ADAM28: variants seen among roughly 807,000 people sequenced by gnomAD.
The protein encoded by ADAM28 is disintegrin and metalloproteinase domain-containing protein 28.
Under a neutral mutation model 101.2 loss-of-function variants are expected in ADAM28, and 105 were observed. The ratio of observed to expected loss-of-function variants is 1.04; its 90% CI spans 0.89 to 1.22. The LOEUF (loss-of-function observed/expected upper bound fraction) is 1.22. ADAM28 is among the 50% of genes most tolerant of loss of function. The pLI, the probability that ADAM28 is intolerant of heterozygous loss-of-function variation, is 0.00. For synonymous variants in ADAM28, 322 were observed against 310.6 expected, an observed-to-expected ratio of 1.04 and a Z score of -0.39; for missense variants, 1,028 against 945.4, an observed-to-expected ratio of 1.09 and a Z score of -1.15.
intron 18 of ADAM28, among the ~76,000 whole-genome samples, chr8:24,345,235 C>T (rs1444136487): frequency 6.6e-6 from 1 of 151,844 alleles, no homozygotes; most frequent in Non-Finnish European, 1.5e-5. Context: ...TGAGGATTTG[C>T]TTTTTTCTTC....
chr8:24,297,159 G>GTTT (rs201347512), intron 1 of ADAM28, among the ~76,000 whole-genome samples: 12,036 of 144,538 alleles, frequency 0.083, 677 homozygotes, highest in East Asian at 0.25. Flanking sequence ...AATGTTGTGG[G>GTTT]TTTTTTTTTG....
intron 9 of ADAM28, chr8:24,325,105 G>A (rs921274375): frequency 2.0e-5 from 3 of 152,048 alleles, no homozygotes; most frequent in East Asian, 1.9e-4. Context: ...TTTTAGACTC[G>A]AGAGCCCATT....
intron 10 of ADAM28, among the ~76,000 whole-genome samples, chr8:24,327,077 A>G (rs1209691140): frequency 6.6e-6 from 1 of 152,120 alleles, no homozygotes; most frequent in Non-Finnish European, 1.5e-5. Context: ...AATAAAGCGT[A>G]TTCAAATAGA....
chr8:24,311,272 A>G, intron 4 of ADAM28, 89 bp from the exon 5 acceptor site: 1 of 928,440 alleles, frequency 1.1e-6, no homozygotes, highest in East Asian at 2.5e-5. Flanking sequence ...GAAAGCATTT[A>G]AAATCCTGTT....
chr8:24,358,491 T>G lies in ADAM28; in HGVS notation c.*4087T>G, dbSNP rs1269755975. Reference sequence around the variant, plus strand: ...GGCCAAGCCAAGAGTGGCACAGCTGTGTGGAGATACTGAGCTCCACCTTGT... The same window carrying G: ...GGCCAAGCCAAGAGTGGCACAGCTGGGTGGAGATACTGAGCTCCACCTTGT... On this transcript the variant is annotated 3_prime_UTR_variant, in exon 23 of 23. Transcript: ENST00000265769. The G allele has an allele frequency of 6.6e-6, 1 of 152,208 alleles. No individual in the cohort carries two copies. Among genetic ancestry groups the G allele is most frequent in the African/African-American group, 2.4e-5 (1 of 41,464 alleles). The allele number at this position is 152,208 out of a possible 1,614,324, so 9.4% of individuals were successfully genotyped here.
chr8:24,322,666 G>A (rs144800588), intron 8 of ADAM28: 1 of 152,102 alleles, frequency 6.6e-6, no homozygotes, highest in East Asian at 1.9e-4. Flanking sequence ...TGTCAGGTGA[G>A]TAAAATTAAG....
intron 1 of ADAM28, chr8:24,295,772 G>A (rs750282360): frequency 6.6e-6 from 1 of 152,136 alleles, no homozygotes; most frequent in Non-Finnish European, 1.5e-5. Flanking sequence ...TTAACTTCTA[G>A]CTTCTATTTT....
chr8:24,334,477 T>G (rs1240642163), intron 13 of ADAM28, among the ~76,000 whole-genome samples: 1 of 151,890 alleles, frequency 6.6e-6, no homozygotes, highest in African/African-American at 2.4e-5. Context: ...GGTGGGAAAA[T>G]GGGCTTTCAA....
chr8:24,339,644 A>AT, intron 15 of ADAM28, 76 bp downstream of exon 15: 3 of 1,270,818 alleles, frequency 2.4e-6, no homozygotes, highest in Non-Finnish European at 3.3e-6. Flanking sequence ...ATTCTGATTT[A>AT]TTCCAGTTAA....
In ADAM28 at chr8:24,339,399, AT is replaced by A. The variant is rs751986654; in HGVS notation, c.1568-63del. On this transcript the variant is annotated intron_variant, in intron 14 of 22. Transcript: ENST00000265769. ...CAGCACTGAATCTTTAAAATCTTTT[AT>A]TTTCAAGTATCTCTTGAATCTCAAA... 5.3e-5 allele frequency: 66 copies of A among 1,235,566 alleles called. No homozygotes were observed. The Middle Eastern group carries it at 5.8e-4, about 11-fold the overall frequency. The allele number at this position is 1,235,566 out of a possible 1,614,324, so 76.5% of individuals were successfully genotyped here.
intron 21 of ADAM28, 66 bp from the exon 22 acceptor site, chr8:24,353,704 A>C: frequency 9.6e-7 from 1 of 1,045,808 alleles, no homozygotes; most frequent in Non-Finnish European, 1.5e-6. Flanking sequence ...AAGGAAATAA[A>C]TATAGCTAAG....
intron 1 of ADAM28, 53 bp from the exon 2 acceptor site, chr8:24,299,921 C>G: frequency 1.4e-6 from 2 of 1,419,222 alleles, no homozygotes; most frequent in Non-Finnish European, 9.7e-7. Context: ...CCTTTACTGA[C>G]CAGCCTACTT....
chr8:24,300,041 A>C lies in ADAM28; in HGVS notation c.114A>C (p.Pro38=), dbSNP rs369332654. 2.4e-5 allele frequency: 38 copies of C among 1,613,732 alleles called. No individual in the cohort carries two copies. The highest frequency in any genetic ancestry group is 3.1e-5 in the Non-Finnish European group (37 of 1,180,014). The change falls in exon 2 of 23, where the codon CCA becomes CCC. Residue 38 remains proline (P), a synonymous_variant. Transcript: ENST00000265769. The stretch of plus-strand genomic sequence containing the variant: ...TGGTTTATCCTATAAGACTTCATCC[A>C]CTGCATAAAAGAGAGGCCAAAGAGC... ...YEVVYPIRLH[P]LHKREAKEPE... is the part of the protein sequence containing the mutation.
chr8:24,328,311 G>A (rs1812893690), intron 10 of ADAM28, among the ~76,000 whole-genome samples: 1 of 151,840 alleles, frequency 6.6e-6, no homozygotes, highest in Middle Eastern at 3.2e-3. Flanking sequence ...GGATTCAAGG[G>A]AAGTTATAGT....
In ADAM28 at chr8:24,294,078, G is replaced by A. The variant is rs1445171819; in HGVS notation, c.-72G>A. The A allele has an allele frequency of 1.3e-6, 2 of 1,505,568 alleles. No individual in the cohort carries two copies. Among genetic ancestry groups the A allele is most frequent in the Non-Finnish European group, 1.8e-6 (2 of 1,082,126 alleles). 93.3% of individuals were successfully genotyped at this position (1,505,568 alleles called of 1,614,324 possible). On this transcript the variant is annotated 5_prime_UTR_variant, in exon 1 of 23. Transcript: ENST00000265769. ...AGTTTCATTCTGTCTCACTGGAGAG[G>A]AGGCAGGGACAGACCCAGCAGCACC...
chr8:24,343,241 C>A, intron 17 of ADAM28, 60 bp downstream of exon 17: 1 of 1,562,388 alleles, frequency 6.4e-7, no homozygotes, highest in South Asian at 1.1e-5. Context: ...CTAGGTCAGT[C>A]ATAAGAAAGC....
At chr8:24,352,792 G>C (rs1194514093) in intron 21 of ADAM28, among the ~76,000 whole-genome samples, 4 of 152,084 alleles carry the variant, frequency 2.6e-5, no homozygotes, top group Non-Finnish European at 5.9e-5. Flanking sequence ...AATGATTTAA[G>C]TCTTTTCTTT....
rs779510025 is a variant in ADAM28 at position 24,332,720 on chromosome 8, G to A, written c.1342G>A (p.Ala448Thr). The A allele has an allele frequency of 1.3e-6, 2 of 1,504,632 alleles. No homozygotes were observed. Among genetic ancestry groups the A allele is most frequent in the South Asian group, 1.4e-5 (1 of 69,564 alleles). 93.2% of individuals were successfully genotyped at this position (1,504,632 alleles called of 1,614,324 possible). A position where few individuals can be genotyped will look rare whatever the true frequency, so the allele number is the denominator to read the frequency against. The change falls in exon 13 of 23, where the codon GCA becomes ACA. Residue 448 changes from alanine to threonine, a missense_variant. Coordinates refer to ENST00000265769, the MANE Select transcript of ADAM28 (RefSeq NM_014265.6). ...TAAAATCAAAGCAACTTTTCAATGT[G>A]CATTAGGAGAATGTTGTGAAAAATG... ...TCKIKATFQC[A>T]LGECCEKCQF...
At position 24,332,738 on chromosome 8, in the gene ADAM28, G is replaced by GA; in HGVS notation, c.1365dup (p.Cys456MetfsTer4). ...TCAATGTGCATTAGGAGAATGTTGT[G>GA]AAAAATGCCAAGTAAGATTATTTTA... On this transcript the variant is annotated frameshift_variant, in exon 13 of 23. Transcript: ENST00000265769. LOFTEE classifies it high-confidence loss of function. The GA allele has an allele frequency of 1.4e-6, 2 of 1,454,882 alleles. No individual in the cohort carries two copies. The highest frequency in any genetic ancestry group is 1.8e-6 in the Non-Finnish European group (2 of 1,088,928). The allele number at this position is 1,454,882 out of a possible 1,614,324, so 90.1% of individuals were successfully genotyped here.
Sources: allele counts gnomAD v4.1 joint callset (sites outside exome capture counted in the v4.1 genomes callset), GRCh38; gene constraint gnomAD v4.1.1; transcripts MANE v1.5; gene names NCBI Gene and HGNC (gene_info 2026-07-23, HGNC 2026-07-21).